The following TUSC3 variants were observed in gnomAD, a reference collection of about 807,000 sequenced individuals.
TUSC3 encodes the protein dolichyl-diphosphooligosaccharide--protein glycosyltransferase subunit TUSC3.
TUSC3 carries 45 observed loss-of-function variants against 44.8 expected under a neutral mutation model. The ratio of observed to expected loss-of-function variants is 1.00; its 90% CI spans 0.79 to 1.29. TUSC3 has a LOEUF of 1.29. Ranked by LOEUF, TUSC3 falls within the 50% of genes most tolerant of loss-of-function variation. The pLI is 0.00. For synonymous variants in TUSC3, 212 were observed against 152.9 expected, an observed-to-expected ratio of 1.39 and a Z score of -2.85; for missense variants, 519 against 437.9, an observed-to-expected ratio of 1.19 and a Z score of -1.65.
At chr8:15,796,479 T>A in the TUSC3 span, among the ~76,000 whole-genome samples, 4 of 152,266 alleles carry the variant, frequency 2.6e-5, no homozygotes, top group African/African-American at 9.6e-5. Flanking sequence ...GCCAGATCAG[T>A]GAGAATGGCC....
intron 8 of TUSC3, 27 bp downstream of exon 8, chr8:15,743,639 A>C: frequency 6.2e-7 from 1 of 1,612,938 alleles, no homozygotes; most frequent in Non-Finnish European, 8.5e-7. Flanking sequence ...CCATTTTTGT[A>C]ATTTCGTTTT....
chr8:15,573,194 C>CTATATATA (rs1351559750), intron 1 of TUSC3, among the ~76,000 whole-genome samples: 1 of 104,742 alleles, frequency 9.5e-6, no homozygotes, highest in Non-Finnish European at 1.9e-5. Context: ...CTCTCTCTCT[C>CTATATATA]TCTCTCTCTA....
At position 15,458,275 on chromosome 8, in the gene TUSC3, G is replaced by A. The variant is rs776155218; in HGVS notation, n.92-25111G>A. ...TCTTTTTAAGACAAGGTCTTACTCT[G>A]TGGCCCATGCTGAGGTACAGTGACG... On this transcript the variant is annotated intron_variant and non_coding_transcript_variant, in intron 1 of 5. Transcript: ENST00000503191. 4.3e-4 allele frequency among the ~76,000 whole-genome samples: 66 copies of A among 152,176 alleles called. 1 individual carries two copies. Among genetic ancestry groups the A allele is most frequent in the Admixed American group, 1.8e-3 (27 of 15,294 alleles).
At chr8:15,562,259 T>C (rs965764810) in intron 1 of TUSC3, among the ~76,000 whole-genome samples, 5 of 152,112 alleles carry the variant, frequency 3.3e-5, no homozygotes, top group Non-Finnish European at 7.4e-5. Context: ...GATGTTATCA[T>C]TCGTGGATGG....
intron 1 of TUSC3, among the ~76,000 whole-genome samples, chr8:15,550,304 AC>A (rs1323481415): frequency 2.0e-5 from 3 of 151,686 alleles, no homozygotes; most frequent in Non-Finnish European, 4.4e-5. Flanking sequence ...CCTTAATGGC[AC>A]TTGAATTCAG....
intron 2 of TUSC3, among the ~76,000 whole-genome samples, chr8:15,513,775 C>T (rs185542339): frequency 1.3e-5 from 2 of 152,260 alleles, no homozygotes; most frequent in East Asian, 1.9e-4. Context: ...GTCTCAGGTA[C>T]GTGACAAAAC....
intron 2 of TUSC3, among the ~76,000 whole-genome samples, chr8:15,528,970 A>T (rs1426450558): frequency 6.6e-6 from 1 of 152,172 alleles, no homozygotes; most frequent in Non-Finnish European, 1.5e-5. Flanking sequence ...TTGTCACCGC[A>T]GTTAATAACC....
chr8:15,526,808 G>A (rs181472209), intron 2 of TUSC3, among the ~76,000 whole-genome samples: 71 of 152,220 alleles, frequency 4.7e-4, no homozygotes, highest in Non-Finnish European at 7.9e-4. Context: ...AAGTTGCTTC[G>A]TTTGAAGTCT....
chr8:15,816,813 A>C, the TUSC3 span, among the ~76,000 whole-genome samples: 2 of 152,340 alleles, frequency 1.3e-5, no homozygotes, highest in East Asian at 1.9e-4. Flanking sequence ...CAATGTAAGT[A>C]ACTTCCAATA....
intron 1 of TUSC3, among the ~76,000 whole-genome samples, chr8:15,553,506 A>C (rs143569427): frequency 2.0e-5 from 2 of 99,528 alleles, no homozygotes; most frequent in East Asian, 6.2e-4. Flanking sequence ...AGGAGCTTAC[A>C]AGGAAACACA....
chr8:15,609,709 A>C (rs1368261627), intron 1 of TUSC3, among the ~76,000 whole-genome samples: 1 of 152,092 alleles, frequency 6.6e-6, no homozygotes, highest in Non-Finnish European at 1.5e-5. Flanking sequence ...TATTGTACTT[A>C]AGCAATTTTT....
intron 2 of TUSC3, among the ~76,000 whole-genome samples, chr8:15,489,850 T>C (rs1800781728): frequency 6.6e-6 from 1 of 152,190 alleles, no homozygotes; most frequent in Non-Finnish European, 1.5e-5. Context: ...GTCCATTCAG[T>C]CCCTTGGGCT....
intron 1 of TUSC3, among the ~76,000 whole-genome samples, chr8:15,609,726 A>G (rs1804682446): frequency 6.6e-6 from 1 of 151,854 alleles, no homozygotes; most frequent in African/African-American, 2.4e-5. Flanking sequence ...TTTTTAGTGA[A>G]AAATTGTCAG....
the TUSC3 span, among the ~76,000 whole-genome samples, chr8:15,832,968 C>G: frequency 4.6e-5 from 7 of 152,104 alleles, no homozygotes; most frequent in African/African-American, 1.7e-4. Context: ...TCAAAAACAG[C>G]AGAATATACA....
At chr8:15,697,412 A>T (rs1476907461) in intron 6 of TUSC3, among the ~76,000 whole-genome samples, 1 of 152,110 alleles carries the variant, frequency 6.6e-6, no homozygotes, top group Non-Finnish European at 1.5e-5. Context: ...TGATGTAGGC[A>T]TTTAGGGCTA....
intron 1 of TUSC3, among the ~76,000 whole-genome samples, chr8:15,587,828 T>C (rs1475011198): frequency 6.6e-6 from 1 of 152,158 alleles, no homozygotes; most frequent in Non-Finnish European, 1.5e-5. Flanking sequence ...TTTATCTTTC[T>C]GTGCTTGAGT....
At chr8:15,673,880 G>C in intron 6 of TUSC3, 44 bp downstream of exon 6, 3 of 1,488,852 alleles carry the variant, frequency 2.0e-6, no homozygotes, top group Non-Finnish European at 2.8e-6. Flanking sequence ...GTTTAATCCA[G>C]CTTAATTTAG....
At chr8:15,834,434 C>G in the TUSC3 span, among the ~76,000 whole-genome samples, 9 of 152,036 alleles carry the variant, frequency 5.9e-5, no homozygotes, top group Non-Finnish European at 1.0e-4. Context: ...TTTCTGCCTC[C>G]GTGGGAAGGT....
At position 15,430,905 on chromosome 8, in the gene TUSC3, A is replaced by G. The variant is rs116897600; in HGVS notation, n.91+13600A>G. Among the ~76,000 whole-genome samples the G allele has an allele frequency of 2.6e-5, 4 of 151,862 alleles. No homozygotes were observed. In the East Asian group the frequency reaches 5.8e-4, roughly 22 times the overall value. Reference sequence around the variant, plus strand: ...CCAGATTTTTGTACACCAGTTACTAAAGAGACTGTCCTTTCCCCATTGTAA... The same window carrying G: ...CCAGATTTTTGTACACCAGTTACTAGAGAGACTGTCCTTTCCCCATTGTAA... On this transcript the variant is annotated intron_variant and non_coding_transcript_variant, in intron 1 of 5. Transcript: ENST00000503191.
Sources: gnomAD v4.1 joint callset for allele counts (sites outside exome capture counted in the v4.1 genomes callset) on GRCh38, gnomAD v4.1.1 for gene constraint, MANE v1.5 for transcripts, NCBI Gene and HGNC (gene_info 2026-07-23, HGNC 2026-07-21) for gene names.